Variants in WASHC3 observed in about 807,000 individuals in gnomAD.
WASHC3 encodes WASH complex subunit 3.
In WASHC3, 24 loss-of-function variants were observed where a neutral mutation model predicts 26.1. That is an observed-to-expected ratio of 0.92 (90% CI 0.66 to 1.29). The LOEUF is 1.29. WASHC3 is among the 50% of genes most tolerant of loss of function. The pLI, the probability that WASHC3 is intolerant of heterozygous loss-of-function variation, is 0.00. For missense variants in WASHC3, 214 were observed against 229.6 expected (o/e 0.93, Z 0.44); for synonymous variants, 77 against 75.7 (o/e 1.02, Z -0.09).
chr12:102,016,581 T>C (rs2121317202), intron 6 of WASHC3, among the ~76,000 whole-genome samples: 1 of 152,318 alleles, frequency 6.6e-6, no homozygotes, highest in South Asian at 2.1e-4. Flanking sequence ...AGGGAGGTCC[T>C]TCAGGAGATA....
At chr12:102,035,425 C>T (rs1401675274) in intron 5 of WASHC3, among the ~76,000 whole-genome samples, 1 of 152,124 alleles carries the variant, frequency 6.6e-6, no homozygotes, top group Non-Finnish European at 1.5e-5. Context: ...TTTTGACAGT[C>T]ACTCATGATA....
In WASHC3 at chr12:102,024,733, CTG is replaced by C. The variant is rs143487627; in HGVS notation, c.500+1239_500+1240del. 7.2e-3 allele frequency among the ~76,000 whole-genome samples: 1,090 copies of C among 152,252 alleles called. 10 individuals are homozygous for C. Among genetic ancestry groups the C allele is most frequent in the African/African-American group, 0.025 (1,040 of 41,548 alleles). ...CTCTCTGTTATTATAGGAGGTCTAA[CTG>C]TGTATTTCCAGAAGCAAAAGGAGGT... On this transcript the variant is annotated intron_variant, in intron 6 of 6. Coordinates refer to ENST00000240079, the MANE Select transcript of WASHC3 (RefSeq NM_016053.4).
In WASHC3 at chr12:102,030,295, CA is replaced by C. The variant is rs57056667; in HGVS notation, c.436-4258del. 5.6e-3 allele frequency among the ~76,000 whole-genome samples: 501 copies of C among 89,110 alleles called. 1 individual carries two copies. The highest frequency in any genetic ancestry group is 0.017 in the South Asian group (45 of 2,624). 58.5% of individuals were successfully genotyped at this position (89,110 alleles called of 152,430 possible). On this transcript the variant is annotated intron_variant, in intron 5 of 6. Coordinates refer to ENST00000240079, the MANE Select transcript of WASHC3 (RefSeq NM_016053.4). ...GGGCAACAAGAGGGAAACTCCATCT[CA>C]AAAAAAAAAAAAAAAAATTATTGTA...
intron 6 of WASHC3, among the ~76,000 whole-genome samples, chr12:102,017,975 T>C (rs942854957): frequency 3.3e-5 from 5 of 152,172 alleles, no homozygotes; most frequent in Non-Finnish European, 7.3e-5. Flanking sequence ...CATTCCCTTA[T>C]CCGTCCAGCT....
At chr12:102,017,591 A>C in intron 6 of WASHC3, 1 of 227,360 alleles carries the variant, frequency 4.4e-6, no homozygotes. Context: ...GTTAGAGTGT[A>C]AAGTACACTG....
chr12:102,046,005 G>C, intron 3 of WASHC3, 49 bp downstream of exon 3: 1 of 1,020,318 alleles, frequency 9.8e-7, no homozygotes, highest in Non-Finnish European at 1.5e-6. Context: ...TAAGAAAGCT[G>C]GTATATGCAC....
chr12:102,054,360 T>C (rs1030874011), intron 2 of WASHC3, among the ~76,000 whole-genome samples: 1 of 152,142 alleles, frequency 6.6e-6, no homozygotes, highest in African/African-American at 2.4e-5. Flanking sequence ...CTTTAAAAAA[T>C]GGACACACAT....
chr12:102,017,777 GTCT>G (rs1422857034), intron 6 of WASHC3: 5 of 435,394 alleles, frequency 1.1e-5, no homozygotes, highest in Admixed American at 5.2e-5. Flanking sequence ...GTTATTGTCT[GTCT>G]TCATTTTTTT....
intron 6 of WASHC3, among the ~76,000 whole-genome samples, chr12:102,016,043 C>G (rs59577253): frequency 0.033 from 4,992 of 152,196 alleles, 254 homozygotes; most frequent in African/African-American, 0.11. Flanking sequence ...GCATGCGCCA[C>G]CACCCCTGGC....
intron 4 of WASHC3, among the ~76,000 whole-genome samples, chr12:102,043,409 C>T (rs558860821): frequency 6.6e-6 from 1 of 152,084 alleles, no homozygotes; most frequent in East Asian, 1.9e-4. Flanking sequence ...AGTGAGACCA[C>T]AGGTGCGTGC....
chr12:102,015,827 C>T (rs1876677008), intron 6 of WASHC3, among the ~76,000 whole-genome samples: 1 of 152,150 alleles, frequency 6.6e-6, no homozygotes, highest in South Asian at 2.1e-4. Context: ...GGACGGTGGT[C>T]CCATTAGATT....
intron 5 of WASHC3, among the ~76,000 whole-genome samples, chr12:102,029,831 A>G (rs1877356805): frequency 6.6e-6 from 1 of 152,210 alleles, no homozygotes; most frequent in South Asian, 2.1e-4. Flanking sequence ...ACGTTGGTGG[A>G]AAAAACTTTT....
chr12:102,036,169 G>A (rs1045003371), intron 5 of WASHC3, among the ~76,000 whole-genome samples: 15 of 152,078 alleles, frequency 9.9e-5, no homozygotes, highest in Admixed American at 2.0e-4. Context: ...ACACCAGCCT[G>A]GCCAACAGGG....
chr12:102,032,138 C>T (rs1011829643), intron 5 of WASHC3, among the ~76,000 whole-genome samples: 2 of 152,126 alleles, frequency 1.3e-5, no homozygotes, highest in South Asian at 4.1e-4. Context: ...GCTCCTCATC[C>T]TTAGGTAATG....
At chr12:102,050,453 A>AACACACACACACACACACACAC (rs58251617) in intron 2 of WASHC3, 4 of 320,690 alleles carry the variant, frequency 1.2e-5, no homozygotes, top group African/African-American at 9.6e-5. Context: ...TGCCATCTCT[A>AACACACACACACACACACACAC]ACACACACAC....
intron 2 of WASHC3, among the ~76,000 whole-genome samples, chr12:102,059,352 G>C (rs748349390): frequency 6.6e-6 from 1 of 152,026 alleles, no homozygotes; most frequent in Non-Finnish European, 1.5e-5. Flanking sequence ...TAAGATTTTT[G>C]AAAAAGGACA....
At chr12:102,053,769 G>A (rs1878484070) in intron 2 of WASHC3, among the ~76,000 whole-genome samples, 1 of 151,692 alleles carries the variant, frequency 6.6e-6, no homozygotes, top group Admixed American at 6.6e-5. Context: ...AGAAATTTTA[G>A]AGCTGAAAAA....
At chr12:102,022,222 C>T (rs886333274) in intron 6 of WASHC3, among the ~76,000 whole-genome samples, 19 of 152,236 alleles carry the variant, frequency 1.2e-4, no homozygotes, top group Middle Eastern at 3.4e-3. Context: ...AAAAAGATAA[C>T]TACTCTGTAT....
At chr12:102,038,948 T>C (rs1416167738) in intron 5 of WASHC3, among the ~76,000 whole-genome samples, 1 of 151,222 alleles carries the variant, frequency 6.6e-6, no homozygotes, top group Admixed American at 6.6e-5. Context: ...TACAAAAGCA[T>C]TATTATTATT....
Sources: gnomAD v4.1 joint callset for allele counts (sites outside exome capture counted in the v4.1 genomes callset) on GRCh38, gnomAD v4.1.1 for gene constraint, MANE v1.5 for transcripts, NCBI Gene and HGNC (gene_info 2026-07-23, HGNC 2026-07-21) for gene names.